Variants in SLAIN2 observed in about 807,000 individuals in gnomAD.
SLAIN2 encodes the protein SLAIN motif-containing protein 2.
SLAIN2 carries 31 observed loss-of-function variants against 56.6 expected under a neutral mutation model. That is an observed-to-expected ratio of 0.55 (90% confidence interval 0.41 to 0.74). The LOEUF is 0.74. Ranked by LOEUF, SLAIN2 falls within the 30% of genes least tolerant of loss-of-function variation. The pLI is 0.00. For missense variants in SLAIN2, 777 were observed against 754.2 expected, an observed-to-expected ratio of 1.03 and a Z score of -0.35; for synonymous variants, 317 against 284.9, an observed-to-expected ratio of 1.11 and a Z score of -1.13.
intron 6 of SLAIN2, among the ~76,000 whole-genome samples, chr4:48,399,756 A>G (rs1310118419): frequency 2.6e-5 from 4 of 152,252 alleles, no homozygotes; most frequent in South Asian, 2.1e-4. Flanking sequence ...GTCTATTGAG[A>G]TAATCATGTG....
intron 1 of SLAIN2, among the ~76,000 whole-genome samples, chr4:48,353,613 G>T (rs1715077757): frequency 6.6e-6 from 1 of 152,150 alleles, no homozygotes; most frequent in Admixed American, 6.5e-5. Flanking sequence ...CTGGAGTAAA[G>T]ATCAAAGGAC....
chr4:48,406,034 T>C (rs1716684986), intron 6 of SLAIN2, among the ~76,000 whole-genome samples: 1 of 152,190 alleles, frequency 6.6e-6, no homozygotes, highest in Non-Finnish European at 1.5e-5. Flanking sequence ...CCTCTACAAG[T>C]TGGATTCCAA....
intron 1 of SLAIN2, among the ~76,000 whole-genome samples, chr4:48,364,133 GGC>G (rs1715439604): frequency 1.7e-5 from 1 of 58,010 alleles, no homozygotes; most frequent in Non-Finnish European, 3.9e-5. Context: ...GTGGTTGCCA[GGC>G]AGAGGGTCTC....
chr4:48,395,463 A>G (rs950637082), intron 6 of SLAIN2, among the ~76,000 whole-genome samples: 3 of 152,114 alleles, frequency 2.0e-5, no homozygotes. Context: ...AAAGGAAAAG[A>G]AAAAATTTGG....
rs10649464 is a variant in SLAIN2, at chr4:48,395,810, C to CT, written c.1360+12044dup. ...TGTGGACTTATTTGGGAACCTTAGGCTTTTTTTTTTTTTTTTTTGAGACTT... is the reference window on the plus strand; with the variant it reads ...TGTGGACTTATTTGGGAACCTTAGGCTTTTTTTTTTTTTTTTTTTGAGACTT... On this transcript the variant is annotated intron_variant, in intron 6 of 7. Coordinates refer to ENST00000264313, the MANE Select transcript of SLAIN2 (RefSeq NM_020846.2). 2.8e-3 allele frequency among the ~76,000 whole-genome samples: 202 copies of CT among 72,766 alleles called. 3 individuals are homozygous for CT. Among genetic ancestry groups the CT allele is most frequent in the Middle Eastern group, 8.2e-3 (1 of 122 alleles). 47.7% of individuals were successfully genotyped at this position (72,766 alleles called of 152,430 possible).
chr4:48,342,711 C>CTGTTTTTTT (rs1714751116), intron 1 of SLAIN2, among the ~76,000 whole-genome samples: 1 of 65,938 alleles, frequency 1.5e-5, no homozygotes, highest in Non-Finnish European at 2.6e-5. Flanking sequence ...GATGGTGCTG[C>CTGTTTTTTT]TTTTTTTTTT....
rs184570700 is a variant in SLAIN2 at position 48,386,064 on chromosome 4, T to C, written c.1360+2280T>C. On this transcript the variant is annotated intron_variant, in intron 6 of 7. Transcript: ENST00000264313. Reference sequence around the variant, plus strand: ...TTGAAGCTGCTGTGAGCCATGATCATGCTGCTGCACTCCAGTCTATTGAAA... The same window carrying C: ...TTGAAGCTGCTGTGAGCCATGATCACGCTGCTGCACTCCAGTCTATTGAAA... Among the ~76,000 whole-genome samples the C allele has an allele frequency of 3.7e-4, 54 of 145,228 alleles. No homozygotes were observed. The East Asian group carries it at 0.01, about 28-fold the overall frequency.
At position 48,425,319 on chromosome 4, in the gene SLAIN2, A is replaced by G. The variant is rs1225561528; in HGVS notation, c.*3242A>G. 6.6e-6 allele frequency: 1 copy of G among 152,156 alleles called. No individual in the cohort carries two copies. The highest frequency in any genetic ancestry group is 1.5e-5 in the Non-Finnish European group (1 of 68,002). The allele number at this position is 152,156 out of a possible 1,614,324, so 9.4% of individuals were successfully genotyped here. ...TGATACCTAGTTATAAAAAGCTAGC[A>G]TTTGCCTAGATCATAACTATGTATG... On this transcript the variant is annotated 3_prime_UTR_variant, in exon 8 of 8. Coordinates refer to ENST00000264313, the MANE Select transcript of SLAIN2 (RefSeq NM_020846.2).
At chr4:48,371,112 T>G (rs1715653382) in intron 2 of SLAIN2, among the ~76,000 whole-genome samples, 1 of 151,160 alleles carries the variant, frequency 6.6e-6, no homozygotes, top group African/African-American at 2.4e-5. Flanking sequence ...TTGTTTTGTT[T>G]TTTTTTTTTT....
chr4:48,362,732 C>CTTTTTTTTTTTTTTTTTTTTT (rs397716685), intron 1 of SLAIN2, among the ~76,000 whole-genome samples: 3 of 116,398 alleles, frequency 2.6e-5, no homozygotes, highest in Non-Finnish European at 3.4e-5. Context: ...TTTTAAATTT[C>CTTTTTTTTTTTTTTTTTTTTT]TTTTTTTTTT....
intron 6 of SLAIN2, among the ~76,000 whole-genome samples, chr4:48,400,952 A>G (rs182638839): frequency 3.7e-4 from 57 of 152,080 alleles, no homozygotes; most frequent in Admixed American, 3.4e-3. Flanking sequence ...CCCTCTTAAC[A>G]TTGCCTTAGC....
intron 1 of SLAIN2, among the ~76,000 whole-genome samples, chr4:48,343,892 G>C (rs1028558648): frequency 6.6e-5 from 10 of 152,200 alleles, no homozygotes; most frequent in Admixed American, 5.9e-4. Flanking sequence ...GGGTATGTAT[G>C]CACTTTAAAA....
At chr4:48,357,270 T>C (rs1715183023) in intron 1 of SLAIN2, among the ~76,000 whole-genome samples, 1 of 152,178 alleles carries the variant, frequency 6.6e-6, no homozygotes, top group Non-Finnish European at 1.5e-5. Flanking sequence ...ATTGTGATTT[T>C]TGGTTGTAGT....
intron 6 of SLAIN2, among the ~76,000 whole-genome samples, chr4:48,412,394 A>ACACG: frequency 1.7e-5 from 1 of 57,270 alleles, no homozygotes. Context: ...ACACACACAC[A>ACACG]CACACACACA....
Position 48,382,804 on chromosome 4 carries a change from CCTG to C in SLAIN2, c.1102_1104del (p.Ala368del), listed in dbSNP as rs1484005539. On this transcript the variant is annotated inframe_deletion, in exon 5 of 8. Coordinates refer to ENST00000264313, the MANE Select transcript of SLAIN2 (RefSeq NM_020846.2). ...CAGAAATTCACCTCGTTCACGATCTCCTGCTCGGGGAATAGAATATAGTAGAGT... is the reference window on the plus strand; with the variant it reads ...CAGAAATTCACCTCGTTCACGATCTCCTCGGGGAATAGAATATAGTAGAGT... 1 of 1,613,686 alleles carries C rather than the reference CCTG, an allele frequency of 6.2e-7. No individual in the cohort carries two copies. The highest frequency in any genetic ancestry group is 1.3e-5 in the African/African-American group (1 of 74,864).
At chr4:48,376,246 G>A (rs563268786) in intron 2 of SLAIN2, among the ~76,000 whole-genome samples, 7 of 152,264 alleles carry the variant, frequency 4.6e-5, no homozygotes, top group African/African-American at 1.4e-4. Flanking sequence ...CTGAGCTCAG[G>A]ATTTCGAAAC....
chr4:48,379,984 T>A, intron 4 of SLAIN2, 136 bp downstream of exon 4: 2 of 776,070 alleles, frequency 2.6e-6, no homozygotes, highest in South Asian at 2.8e-5. Flanking sequence ...TTCAGAGACT[T>A]AGTCAACATA....
intron 2 of SLAIN2, among the ~76,000 whole-genome samples, chr4:48,372,043 C>T (rs866705193): frequency 7.6e-6 from 1 of 132,114 alleles, no homozygotes; most frequent in Admixed American, 7.6e-5. Context: ...TATACATATA[C>T]ATATATACAT....
chr4:48,413,805 G>A (rs751598768), intron 6 of SLAIN2, among the ~76,000 whole-genome samples: 22 of 152,236 alleles, frequency 1.4e-4, no homozygotes, highest in Admixed American at 2.6e-4. Flanking sequence ...AAGGAAGACT[G>A]CTCTGTGAAG....
Sources: allele counts gnomAD v4.1 joint callset (sites outside exome capture counted in the v4.1 genomes callset), GRCh38; gene constraint gnomAD v4.1.1; transcripts MANE v1.5; gene names NCBI Gene and HGNC (gene_info 2026-07-23, HGNC 2026-07-21).